The following ITPK1 variants were observed in gnomAD, a reference collection of about 807,000 sequenced individuals.
ITPK1 encodes inositol-tetrakisphosphate 1-kinase.
In ITPK1, 21 loss-of-function variants were observed where a neutral mutation model predicts 45.3. That is an observed-to-expected ratio of 0.46 (90% CI 0.33 to 0.67). The LOEUF (loss-of-function observed/expected upper bound fraction) is 0.67. Ranked by LOEUF, ITPK1 falls within the 30% of genes least tolerant of loss-of-function variation. The pLI is 0.02. For missense variants in ITPK1, 474 were observed against 573.5 expected (o/e 0.83, Z 1.77); for synonymous variants, 258 against 253.6 (o/e 1.02, Z -0.16).
At chr14:93,081,251 T>C (rs188225323) in intron 2 of ITPK1, among the ~76,000 whole-genome samples, 1,702 of 152,002 alleles carry the variant, frequency 0.011, 19 homozygotes, top group South Asian at 0.02. Context: ...GGAGAATTGC[T>C]TTAACCCAGG....
intron 3 of ITPK1, among the ~76,000 whole-genome samples, chr14:93,020,897 C>T (rs1888429960): frequency 6.6e-6 from 1 of 152,116 alleles, no homozygotes. Flanking sequence ...ACTTCACATG[C>T]ACTGAGTTGC....
intron 2 of ITPK1, among the ~76,000 whole-genome samples, chr14:93,090,284 C>T (rs545233043): frequency 8.3e-4 from 127 of 152,260 alleles, no homozygotes; most frequent in African/African-American, 2.2e-3. Context: ...GCCCCTGGAA[C>T]GCCCCCATCC....
chr14:92,960,324 G>A (rs1405578661), intron 7 of ITPK1, among the ~76,000 whole-genome samples: 2 of 152,198 alleles, frequency 1.3e-5, no homozygotes, highest in Admixed American at 1.3e-4. Context: ...CCTGAGAGGG[G>A]TGCACCTGGA....
At chr14:93,090,456 G>A (rs983978006) in intron 2 of ITPK1, among the ~76,000 whole-genome samples, 2 of 152,154 alleles carry the variant, frequency 1.3e-5, no homozygotes, top group South Asian at 2.1e-4. Context: ...AATGCCTCCC[G>A]TGTGAAGGAC....
In ITPK1 at chr14:93,012,598, G is replaced by C. The variant is rs1281894729; in HGVS notation, c.246+4078C>G. Among the ~76,000 whole-genome samples, 1 of 152,182 alleles carries C rather than the reference G, an allele frequency of 6.6e-6. No individual in the cohort carries two copies. Among genetic ancestry groups the C allele is most frequent in the African/African-American group, 2.4e-5 (1 of 41,440 alleles). ...TTTTTCCTAACTCATCACTTTAGGG[G>C]CCGTGAGGTCAGTTCTGGGTCTGCC... On this transcript the variant is annotated intron_variant, in intron 4 of 10. Coordinates refer to ENST00000267615, the MANE Select transcript of ITPK1 (RefSeq NM_014216.6). This position sits in a 1 kb window ranked among gnomAD's most constrained non-coding sequence, Gnocchi z 4.9.
At chr14:93,001,548 T>G (rs1887356480) in intron 4 of ITPK1, among the ~76,000 whole-genome samples, 1 of 151,890 alleles carries the variant, frequency 6.6e-6, no homozygotes. Flanking sequence ...GAGATAGGTG[T>G]CAGCACCAAG....
In ITPK1 at chr14:92,940,150, G is replaced by A; in HGVS notation, c.*1411C>T. The A allele has an allele frequency of 1.0e-6, 1 of 985,800 alleles. No homozygotes were observed. 61.1% of individuals were successfully genotyped at this position (985,800 alleles called of 1,614,324 possible). On this transcript the variant is annotated 3_prime_UTR_variant, in exon 11 of 11. Coordinates refer to ENST00000267615, the MANE Select transcript of ITPK1 (RefSeq NM_014216.6). Reference sequence around the variant, plus strand: ...CAGGCCGAAGGACCTCCATGCACTGGCTCGGGGGCCTCTCTCGGGACACTC... The same window carrying A: ...CAGGCCGAAGGACCTCCATGCACTGACTCGGGGGCCTCTCTCGGGACACTC...
In ITPK1 at chr14:93,077,334, T is replaced by C. The variant is rs116240383; in HGVS notation, c.96-715A>G. Reference sequence around the variant, plus strand: ...CTCTTCCTGACCCATTTCTTTTTTTTTGAGACAGAGTCTCACTCTGTTGCC... The same window carrying C: ...CTCTTCCTGACCCATTTCTTTTTTTCTGAGACAGAGTCTCACTCTGTTGCC... On this transcript the variant is annotated intron_variant, in intron 2 of 10. Transcript: ENST00000267615. Among the ~76,000 whole-genome samples, 392 of 152,316 alleles carry C rather than the reference T, an allele frequency of 2.6e-3. 3 individuals carry two copies. Among genetic ancestry groups the C allele is most frequent in the African/African-American group, 8.8e-3 (367 of 41,556 alleles).
intron 5 of ITPK1, among the ~76,000 whole-genome samples, chr14:92,991,291 C>G (rs1886776432): frequency 6.6e-6 from 1 of 152,144 alleles, no homozygotes; most frequent in South Asian, 2.1e-4. Context: ...GGTGAATGGA[C>G]AGCCACTGGG....
intron 2 of ITPK1, among the ~76,000 whole-genome samples, chr14:93,093,057 C>T (rs949372921): frequency 9.2e-5 from 14 of 152,218 alleles, no homozygotes; most frequent in Non-Finnish European, 1.6e-4. Context: ...TCCATACACT[C>T]ATTACCACAT....
chr14:92,995,368 A>G (rs890748717), intron 4 of ITPK1, among the ~76,000 whole-genome samples: 1 of 152,226 alleles, frequency 6.6e-6, no homozygotes, highest in Non-Finnish European at 1.5e-5. Context: ...TTATGGACAG[A>G]GAGAAAGAGC....
In ITPK1 at chr14:93,055,984, C is replaced by T. The variant is rs576904379; in HGVS notation, c.120+20611G>A. Among the ~76,000 whole-genome samples the T allele has an allele frequency of 2.6e-5, 4 of 152,306 alleles. No individual in the cohort carries two copies. In the East Asian group the frequency reaches 7.7e-4, roughly 29 times the overall value. On this transcript the variant is annotated intron_variant, in intron 3 of 10. Coordinates refer to ENST00000267615, the MANE Select transcript of ITPK1 (RefSeq NM_014216.6). ...AGGTGAATCAGGCAGCCTGATGAGG[C>T]TGGGGCAGGTGAGGTGTTTAGGCCA...
chr14:93,043,658 C>T lies in ITPK1; in HGVS notation c.121-26857G>A, dbSNP rs111536372. ...CAGCCTGGCTCATTCTTATCTGTGG[C>T]TTGATTAAAACAAGCTTGGATTACA... is the stretch of plus-strand genomic sequence containing the variant. On this transcript the variant is annotated intron_variant, in intron 3 of 10. Coordinates refer to ENST00000267615, the MANE Select transcript of ITPK1 (RefSeq NM_014216.6). Among the ~76,000 whole-genome samples, 791 of 152,352 alleles carry T rather than the reference C, an allele frequency of 5.2e-3. 8 individuals carry two copies. The highest frequency in any genetic ancestry group is 5.9e-3 in the Non-Finnish European group (403 of 68,030).
chr14:93,038,774 G>A (rs1051846190), intron 3 of ITPK1, among the ~76,000 whole-genome samples: 6 of 152,044 alleles, frequency 3.9e-5, no homozygotes, highest in African/African-American at 7.2e-5. Flanking sequence ...TGATCCACCC[G>A]TTTCGGCCTC....
chr14:92,946,443 C>G lies in ITPK1; in HGVS notation c.789G>C (p.Arg263=). Residue 263 remains arginine (R), a synonymous_variant, in exon 10 of 11, where the codon CGG becomes CGC. Coordinates refer to ENST00000267615, the MANE Select transcript of ITPK1 (RefSeq NM_014216.6). ...CCTGCCGCAGGGCCCGGGAGAGCTC[C>G]CGGATGACCTCGTCGCTCGGCCGCT... ...VFERPSDEVI[R]ELSRALRQAL... 1.2e-6 allele frequency: 2 copies of G among 1,613,204 alleles called. No homozygotes were observed. Among genetic ancestry groups the G allele is most frequent in the Non-Finnish European group, 1.7e-6 (2 of 1,179,998 alleles).
chr14:93,097,423 G>C (rs1892122871), intron 2 of ITPK1, among the ~76,000 whole-genome samples: 1 of 152,180 alleles, frequency 6.6e-6, no homozygotes, highest in South Asian at 2.1e-4. Context: ...GTCATGCCCA[G>C]CGCCTTCGGT....
In ITPK1 at chr14:93,115,122, C is replaced by T. The variant is rs778701778; in HGVS notation, c.42G>A (p.Leu14=). Residue 14 remains leucine (L), a synonymous_variant, in exon 2 of 11, where the codon CTG becomes CTA. Transcript: ENST00000267615. ...FLKGKRVGYW[L]SEKKIKKLNF... ...TCAGCTTCTTGATTTTCTTCTCGCT[C>T]AGCCAGTAGCCAACTCTCTTCCCTT... is the stretch of plus-strand genomic sequence containing the variant. 3.7e-6 allele frequency: 6 copies of T among 1,602,444 alleles called. No homozygotes were observed. Among genetic ancestry groups the T allele is most frequent in the Middle Eastern group, 1.7e-4 (1 of 6,032 alleles).
At chr14:93,072,359 A>G (rs1891047480) in intron 3 of ITPK1, among the ~76,000 whole-genome samples, 2 of 151,944 alleles carry the variant, frequency 1.3e-5, no homozygotes, top group South Asian at 2.1e-4. Flanking sequence ...TTAAAAATAC[A>G]TCTATACAAT....
intron 3 of ITPK1, among the ~76,000 whole-genome samples, chr14:93,022,258 G>A (rs892887818): frequency 3.3e-5 from 5 of 152,188 alleles, no homozygotes; most frequent in Non-Finnish European, 7.3e-5. Flanking sequence ...TGATCAACAA[G>A]TGAAGGCCAC....
Sources: allele counts gnomAD v4.1 joint callset (sites outside exome capture counted in the v4.1 genomes callset), GRCh38; gene constraint gnomAD v4.1.1; non-coding constraint Gnocchi (gnomAD v3.1); transcripts MANE v1.5; gene names NCBI Gene and HGNC (gene_info 2026-07-23, HGNC 2026-07-21).